The following KCNAB1 variants were observed in gnomAD, a reference collection of about 807,000 sequenced individuals.
KCNAB1 encodes the protein voltage-gated potassium channel subunit beta-1.
A neutral mutation model predicts 64.6 loss-of-function variants in KCNAB1; 35 were observed. The ratio of observed to expected loss-of-function variants is 0.54; its 90% confidence interval spans 0.41 to 0.72. The LOEUF (loss-of-function observed/expected upper bound fraction) is 0.72. KCNAB1 is among the 30% of genes least tolerant of loss of function. The pLI, the probability that KCNAB1 is intolerant of heterozygous loss-of-function variation, is 0.00. For synonymous variants in KCNAB1, 177 were observed against 183.8 expected, an observed-to-expected ratio of 0.96 and a Z score of 0.30; for missense variants, 401 against 512.9, an observed-to-expected ratio of 0.78 and a Z score of 2.11.
intron 1 of KCNAB1, among the ~76,000 whole-genome samples, chr3:156,384,196 T>G (rs1712392533): frequency 6.6e-6 from 1 of 152,226 alleles, no homozygotes; most frequent in Non-Finnish European, 1.5e-5. Context: ...AATGGCAGCT[T>G]GTTGGAAAAT....
In KCNAB1 at chr3:156,538,555, G is replaced by C. The variant is rs975294520; in HGVS notation, c.*1808G>C. ...TGCTGTCTAATGGGAAATGTGATTT[G>C]ATTGATTTATTTGCTTAGAGTAATA... On this transcript the variant is annotated 3_prime_UTR_variant, in exon 14 of 14. Transcript: ENST00000490337. 8 of 152,098 alleles carry C rather than the reference G, an allele frequency of 5.3e-5. No individual in the cohort carries two copies. Among genetic ancestry groups the C allele is most frequent in the African/African-American group, 1.9e-4 (8 of 41,420 alleles). 9.4% of individuals were successfully genotyped at this position (152,098 alleles called of 1,614,324 possible). A position where few individuals can be genotyped will look rare whatever the true frequency, so the allele number is the denominator to read the frequency against.
intron 1 of KCNAB1, among the ~76,000 whole-genome samples, chr3:156,356,663 A>G (rs1254215336): frequency 1.3e-5 from 2 of 152,202 alleles, no homozygotes; most frequent in African/African-American, 2.4e-5. Context: ...AAAATGCAGC[A>G]CAAGTTAAAT....
At chr3:156,463,259 G>A (rs78921934) in intron 5 of KCNAB1, among the ~76,000 whole-genome samples, 10 of 152,262 alleles carry the variant, frequency 6.6e-5, no homozygotes, top group South Asian at 6.2e-4. Flanking sequence ...TGCAATCAGC[G>A]TGAGGCCAGA....
At chr3:156,290,456 C>T (rs1358038409) in intron 1 of KCNAB1, among the ~76,000 whole-genome samples, 1 of 152,180 alleles carries the variant, frequency 6.6e-6, no homozygotes, top group Non-Finnish European at 1.5e-5. Context: ...GGTTTGGTTT[C>T]CATACATTTC....
intron 1 of KCNAB1, among the ~76,000 whole-genome samples, chr3:156,257,396 C>T (rs952446960): frequency 1.3e-5 from 2 of 152,096 alleles, no homozygotes; most frequent in African/African-American, 4.8e-5. Flanking sequence ...CAAAATTTCT[C>T]CTTTAAAAAG....
At chr3:156,316,813 C>T (rs985298572) in intron 1 of KCNAB1, among the ~76,000 whole-genome samples, 5 of 152,154 alleles carry the variant, frequency 3.3e-5, no homozygotes, top group African/African-American at 1.2e-4. Context: ...CTCTGGGAAC[C>T]TGACAGAAGC....
intron 7 of KCNAB1, among the ~76,000 whole-genome samples, chr3:156,472,201 T>A (rs1004961711): frequency 6.6e-6 from 1 of 152,148 alleles, no homozygotes; most frequent in Admixed American, 6.5e-5. Flanking sequence ...TTTACTCTAA[T>A]CTCCACACCC....
intron 1 of KCNAB1, among the ~76,000 whole-genome samples, chr3:156,419,177 T>C (rs2108222377): frequency 6.6e-6 from 1 of 152,304 alleles, no homozygotes; most frequent in South Asian, 2.1e-4. Context: ...TACCCAGTGA[T>C]ATAACTTTGC....
intron 1 of KCNAB1, among the ~76,000 whole-genome samples, chr3:156,154,943 A>G (rs1363979401): frequency 6.6e-6 from 1 of 152,056 alleles, no homozygotes; most frequent in Non-Finnish European, 1.5e-5. Context: ...TTCTGACCTA[A>G]TGTTCACCAC....
At chr3:156,463,311 T>C (rs1713074302) in intron 5 of KCNAB1, among the ~76,000 whole-genome samples, 1 of 152,180 alleles carries the variant, frequency 6.6e-6, no homozygotes, top group South Asian at 2.1e-4. Flanking sequence ...TTTGACTTAC[T>C]AAAGCAATTC....
chr3:156,264,835 A>G (rs1718610711), intron 1 of KCNAB1, among the ~76,000 whole-genome samples: 1 of 152,214 alleles, frequency 6.6e-6, no homozygotes, highest in Non-Finnish European at 1.5e-5. Context: ...TAGGGAATAA[A>G]AAGCTCTTTG....
At chr3:156,230,787 G>A (rs969336251) in intron 1 of KCNAB1, among the ~76,000 whole-genome samples, 1 of 152,230 alleles carries the variant, frequency 6.6e-6, no homozygotes, top group African/African-American at 2.4e-5. Flanking sequence ...CACAGGATAT[G>A]TTTATTTGTG....
chr3:156,333,601 C>T (rs1296528314), intron 1 of KCNAB1, among the ~76,000 whole-genome samples: 1 of 152,090 alleles, frequency 6.6e-6, no homozygotes, highest in Non-Finnish European at 1.5e-5. Context: ...CTGAATAGCA[C>T]AACACATGCA....
chr3:156,484,068 C>T (rs1715027657), intron 8 of KCNAB1, among the ~76,000 whole-genome samples: 1 of 152,116 alleles, frequency 6.6e-6, no homozygotes, highest in Admixed American at 6.6e-5. Context: ...TCCATAAAGT[C>T]CTGGTTTGAA....
intron 1 of KCNAB1, among the ~76,000 whole-genome samples, chr3:156,242,755 T>G (rs1429738621): frequency 6.6e-6 from 1 of 151,622 alleles, no homozygotes; most frequent in Non-Finnish European, 1.5e-5. Flanking sequence ...TTGTGTCATA[T>G]TTTCTTCTCT....
chr3:156,536,343 T>C (rs1373789307), intron 13 of KCNAB1, among the ~76,000 whole-genome samples: 4 of 152,268 alleles, frequency 2.6e-5, no homozygotes, highest in African/African-American at 9.6e-5. Context: ...TTAATTTCAC[T>C]GTTCTTTTTA....
At chr3:156,520,323 G>A (rs1717856862) in intron 11 of KCNAB1, among the ~76,000 whole-genome samples, 1 of 152,198 alleles carries the variant, frequency 6.6e-6, no homozygotes, top group Non-Finnish European at 1.5e-5. Context: ...GCTCATATCT[G>A]TAATCCTAGC....
intron 1 of KCNAB1, among the ~76,000 whole-genome samples, chr3:156,263,525 T>C (rs1718540911): frequency 6.6e-6 from 1 of 152,064 alleles, no homozygotes; most frequent in African/African-American, 2.4e-5. Flanking sequence ...ATAGTAAGAC[T>C]TGTTTTCTGG....
At chr3:156,294,035 ATTTCT>A (rs1720628843) in intron 1 of KCNAB1, among the ~76,000 whole-genome samples, 1 of 152,230 alleles carries the variant, frequency 6.6e-6, no homozygotes. Context: ...AAGACCACTA[ATTTCT>A]TGAGGCAGAG....
Sources: gnomAD v4.1 joint callset for allele counts (sites outside exome capture counted in the v4.1 genomes callset) on GRCh38, gnomAD v4.1.1 for gene constraint, MANE v1.5 for transcripts, NCBI Gene and HGNC (gene_info 2026-07-23, HGNC 2026-07-21) for gene names.